RBFOX1: variants seen among roughly 807,000 people sequenced by gnomAD.
RBFOX1 encodes RNA binding fox-1 homolog 1, also known as RNA binding protein fox-1 homolog 1.
A neutral mutation model predicts 57.7 loss-of-function variants in RBFOX1; 8 were observed. The observed-to-expected ratio is 0.14, with a 90% CI of 0.08 to 0.25. The LOEUF is 0.25. RBFOX1 is among the 10% of genes least tolerant of loss of function. RBFOX1 has a pLI of 1.00. For missense variants in RBFOX1, 611 were observed against 548.5 expected, an observed-to-expected ratio of 1.11 and a Z score of -1.14; for synonymous variants, 326 against 222.4, an observed-to-expected ratio of 1.47 and a Z score of -4.15.
At position 5,320,514 on chromosome 16, in the gene RBFOX1, C is replaced by T. The variant is rs181316989; in HGVS notation, c.219+80409C>T. Among the ~76,000 whole-genome samples the T allele has an allele frequency of 1.5e-4, 23 of 152,264 alleles. 1 individual carries two copies. Among genetic ancestry groups the T allele is most frequent in the South Asian group, 4.2e-4 (2 of 4,816 alleles). On this transcript the variant is annotated intron_variant, in intron 1 of 2. Transcript: ENST00000585867. Reference sequence around the variant, plus strand: ...TACTTAGAAGTCTTTTAGAAGGCTCCGGAGTCTCCATAAAATTCATCAAGT... The same window carrying T: ...TACTTAGAAGTCTTTTAGAAGGCTCTGGAGTCTCCATAAAATTCATCAAGT...
intron 1 of RBFOX1, among the ~76,000 whole-genome samples, chr16:6,214,241 T>C (rs1371259631): frequency 6.6e-6 from 1 of 152,172 alleles, no homozygotes; most frequent in Non-Finnish European, 1.5e-5. Flanking sequence ...CATTGATGTC[T>C]TGTTCTTCAG....
intron 4 of RBFOX1, among the ~76,000 whole-genome samples, chr16:7,376,319 T>C: frequency 6.6e-6 from 1 of 152,222 alleles, no homozygotes; most frequent in East Asian, 1.9e-4. Flanking sequence ...ATTTCTCAAA[T>C]GTATTCCATG....
At chr16:6,924,252 C>G (rs2075101711) in intron 3 of RBFOX1, among the ~76,000 whole-genome samples, 1 of 152,042 alleles carries the variant, frequency 6.6e-6, no homozygotes, top group African/African-American at 2.4e-5. Context: ...ATTTGACTCA[C>G]AGTTCTGCTG....
intron 2 of RBFOX1, among the ~76,000 whole-genome samples, chr16:6,398,175 A>G (rs1419838715): frequency 6.6e-6 from 1 of 152,142 alleles, no homozygotes; most frequent in Non-Finnish European, 1.5e-5. Context: ...ACTCACCATC[A>G]TGAGAACAGC....
chr16:7,117,924 GAGAGAC>G (rs1432715288), intron 4 of RBFOX1, among the ~76,000 whole-genome samples: 1 of 152,204 alleles, frequency 6.6e-6, no homozygotes, highest in African/African-American at 2.4e-5. Flanking sequence ...TGGGTGGAGA[GAGAGAC>G]AGAGACAGAG....
intron 2 of RBFOX1, among the ~76,000 whole-genome samples, chr16:6,502,544 T>C (rs10153131): frequency 0.23 from 35,239 of 152,116 alleles, 4,768 homozygotes; most frequent in Non-Finnish European, 0.3. Context: ...CTTAGCATAG[T>C]ACCTAACACA....
intron 9 of RBFOX1, among the ~76,000 whole-genome samples, chr16:7,605,956 A>T (rs1171468809): frequency 6.6e-6 from 1 of 151,686 alleles, no homozygotes; most frequent in Non-Finnish European, 1.5e-5. Flanking sequence ...CTCATGCCTC[A>T]GCCTGATTAG....
At chr16:6,855,775 C>T (rs561272368) in intron 3 of RBFOX1, among the ~76,000 whole-genome samples, 2 of 150,524 alleles carry the variant, frequency 1.3e-5, no homozygotes, top group South Asian at 4.2e-4. Flanking sequence ...TTATCCTCTA[C>T]CTTTAGAGGA....
At chr16:5,580,783 G>A (rs956400374) in intron 2 of RBFOX1, among the ~76,000 whole-genome samples, 2 of 152,164 alleles carry the variant, frequency 1.3e-5, no homozygotes, top group Non-Finnish European at 2.9e-5. Context: ...GGATTCCAGC[G>A]AAGGGCAATC....
intron 14 of RBFOX1, among the ~76,000 whole-genome samples, chr16:7,693,008 A>G (rs1345000513): frequency 1.3e-5 from 2 of 152,210 alleles, no homozygotes; most frequent in African/African-American, 2.4e-5. Flanking sequence ...AGAAAGTCAT[A>G]TGAGCACAAT....
At chr16:5,767,433 G>C (rs1311636093) in intron 3 of RBFOX1, among the ~76,000 whole-genome samples, 1 of 152,204 alleles carries the variant, frequency 6.6e-6, no homozygotes, top group African/African-American at 2.4e-5. Flanking sequence ...TGCCCATTCA[G>C]CTGGGGAGAG....
intron 1 of RBFOX1, among the ~76,000 whole-genome samples, chr16:5,346,294 A>C (rs1453974682): frequency 6.6e-6 from 1 of 152,236 alleles, no homozygotes; most frequent in Non-Finnish European, 1.5e-5. Flanking sequence ...GGTGAGAATG[A>C]CTGAGCACTT....
chr16:5,402,364 G>T (rs1383693546), intron 1 of RBFOX1, among the ~76,000 whole-genome samples: 1 of 152,198 alleles, frequency 6.6e-6, no homozygotes, highest in Admixed American at 6.5e-5. Flanking sequence ...CATGCACATA[G>T]GCCAGCCTTG....
In RBFOX1 at chr16:7,321,061, A is replaced by G. The variant is rs978149064; in HGVS notation, c.28-197086A>G. Among the ~76,000 whole-genome samples, 12 of 150,972 alleles carry G rather than the reference A, an allele frequency of 7.9e-5. No homozygotes were observed. In the East Asian group the frequency reaches 2.1e-3, roughly 27 times the overall value. On this transcript the variant is annotated intron_variant, in intron 4 of 15. Transcript: ENST00000550418. Reference sequence around the variant, plus strand: ...TGGAGACCAGAGAAATTATCTATCTATCTGTCTATCTATACGTATACATAT... The same window carrying G: ...TGGAGACCAGAGAAATTATCTATCTGTCTGTCTATCTATACGTATACATAT...
At chr16:5,889,734 C>T (rs2057999710) in intron 4 of RBFOX1, among the ~76,000 whole-genome samples, 1 of 152,154 alleles carries the variant, frequency 6.6e-6, no homozygotes, top group Non-Finnish European at 1.5e-5. Flanking sequence ...CTCACCTAGT[C>T]CTGGGGTTGG....
chr16:5,724,223 G>C (rs2052047306), intron 3 of RBFOX1, among the ~76,000 whole-genome samples: 1 of 150,958 alleles, frequency 6.6e-6, no homozygotes, highest in Non-Finnish European at 1.5e-5. Context: ...AAAGACCCAA[G>C]GGCTGGAAAG....
chr16:7,474,516 C>CTAT (rs2062224104), intron 4 of RBFOX1, among the ~76,000 whole-genome samples: 1 of 152,180 alleles, frequency 6.6e-6, no homozygotes, highest in African/African-American at 2.4e-5. Flanking sequence ...GAACAGCCAA[C>CTAT]TATTTAGGTT....
rs1004919181 is a variant in RBFOX1 at position 6,307,656 on chromosome 16, C to G, written c.-126-9339C>G. Among the ~76,000 whole-genome samples, 6 of 146,464 alleles carry G rather than the reference C, an allele frequency of 4.1e-5. No homozygotes were observed. In the East Asian group the frequency reaches 1.2e-3, roughly 29 times the overall value. On this transcript the variant is annotated intron_variant, in intron 1 of 15. Transcript: ENST00000550418. ...TATAAATGATATTTATGATTTATAT[C>G]TTTAGATTATTAATATTTATGTATT...
intron 2 of RBFOX1, among the ~76,000 whole-genome samples, chr16:6,474,297 T>A (rs1355691583): frequency 6.6e-6 from 1 of 152,180 alleles, no homozygotes; most frequent in Non-Finnish European, 1.5e-5. Context: ...GGACGTGACA[T>A]CTGTTTTCAG....
Sources: gnomAD v4.1 joint callset for allele counts (sites outside exome capture counted in the v4.1 genomes callset) on GRCh38, gnomAD v4.1.1 for gene constraint, MANE v1.5 for transcripts, NCBI Gene and HGNC (gene_info 2026-07-23, HGNC 2026-07-21) for gene names.